Variants in MED16 observed in about 807,000 individuals in gnomAD.
MED16 encodes the protein mediator complex subunit 16.
In MED16, 81 loss-of-function variants were observed where a neutral mutation model predicts 84.4. The ratio of observed to expected loss-of-function variants is 0.96; its 90% CI spans 0.80 to 1.15. The LOEUF is 1.15. MED16 is among the 50% of genes most tolerant of loss of function. The probability of loss-of-function intolerance (pLI) is 0.00; values close to 1 mark genes in which losing one functional copy is unlikely to be tolerated. For synonymous variants in MED16, 897 were observed against 552.2 expected (o/e 1.62, Z -8.76); for missense variants, 1,585 against 1,245.9 (o/e 1.27, Z -4.10).
Position 877,277 on chromosome 19 carries a change from T to C in MED16, c.1354-97A>G, listed in dbSNP as rs1243502765. On this transcript the variant is annotated intron_variant, in intron 8 of 15. Coordinates refer to ENST00000325464, the MANE Select transcript of MED16 (RefSeq NM_005481.3). ...CCTGGGGCTGCGGCACGTGTGTGGATCTGTGTGCGCGCACGCCCGTGTGTG... is the reference window on the plus strand; with the variant it reads ...CCTGGGGCTGCGGCACGTGTGTGGACCTGTGTGCGCGCACGCCCGTGTGTG... The C allele has an allele frequency of 2.5e-6, 3 of 1,196,198 alleles. No individual in the cohort carries two copies. In the Admixed American group the frequency reaches 6.3e-5, roughly 25 times the overall value. The allele number at this position is 1,196,198 out of a possible 1,614,324, so 74.1% of individuals were successfully genotyped here.
At chr19:881,443 T>C in intron 7 of MED16, 116 bp downstream of exon 7, 1 of 1,251,022 alleles carries the variant, frequency 8.0e-7, no homozygotes, top group Non-Finnish European at 1.1e-6. Context: ...CCATGGCCTG[T>C]GCTCAGAGCC....
rs1355024225 is a variant in MED16, at chr19:868,212, G to A, written c.2523C>T (p.Ser841=). The A allele has an allele frequency of 1.7e-5, 27 of 1,602,458 alleles. No homozygotes were observed. The highest frequency in any genetic ancestry group is 2.1e-5 in the Non-Finnish European group (25 of 1,175,724). The change falls in exon 16 of 16, where the codon AGC becomes AGT. Residue 841 remains serine (S), a synonymous_variant. Transcript: ENST00000325464. The stretch of plus-strand genomic sequence containing the variant: ...AGGCAGGGGCTTCCTCAGAAGCTCT[G>A]CTGGTCACGCAGGCGTCCGGCCCAC... ...EGRGPDACVT[S]RASEEAPAFV... is the part of the protein sequence containing the mutation.
At chr19:888,235 G>A (rs989842969) in intron 4 of MED16, among the ~76,000 whole-genome samples, 1 of 150,100 alleles carries the variant, frequency 6.7e-6, no homozygotes, top group Non-Finnish European at 1.5e-5. Flanking sequence ...AAAAGATAAA[G>A]GTCTGGCCGG....
intron 12 of MED16, chr19:871,602 G>A (rs769102295): frequency 2.2e-5 from 35 of 1,595,840 alleles, no homozygotes; most frequent in Middle Eastern, 3.3e-4. Context: ...CAGCAAACAG[G>A]TGCCTGGAAG....
At chr19:881,785 A>G (rs927384411) in intron 6 of MED16, 71 bp from the exon 7 acceptor site, 7 of 1,549,742 alleles carry the variant, frequency 4.5e-6, no homozygotes, top group Middle Eastern at 1.8e-4. Flanking sequence ...GCAGGAGTCC[A>G]GCATGGCCTG....
At chr19:883,260 C>A (rs1159993440) in intron 6 of MED16, among the ~76,000 whole-genome samples, 1 of 88,972 alleles carries the variant, frequency 1.1e-5, no homozygotes, top group Non-Finnish European at 2.3e-5. Context: ...TGGGGCGGTG[C>A]GTGAAGAGCT....
chr19:875,099 G>A (rs1228443044), intron 10 of MED16, 145 bp downstream of exon 10: 4 of 511,842 alleles, frequency 7.8e-6, no homozygotes, highest in Non-Finnish European at 6.4e-6. Context: ...GAGAGGCGGA[G>A]GCTGCAGTGA....
At chr19:868,794 G>T in intron 14 of MED16, 69 bp downstream of exon 14, 1 of 1,476,574 alleles carries the variant, frequency 6.8e-7, no homozygotes, top group Non-Finnish European at 9.1e-7. Context: ...CGCTGGGTGG[G>T]GGCTAGAATC....
Position 877,038 on chromosome 19 carries a change from A to C in MED16, c.1496T>G (p.Met499Arg). 1 of 1,612,562 alleles carries C rather than the reference A, an allele frequency of 6.2e-7. No individual in the cohort carries two copies. ...CAGCTTCTCCACCAGGCTCTGTACC[A>C]TACTGGGCTGCACGTGCAGCAGGAT... ...WDILLHVQPS[M>R]VQSLVEKLHE... The change falls in exon 9 of 16, where the codon ATG becomes AGG. Residue 499 changes from methionine to arginine, a missense_variant. Transcript: ENST00000325464.
At chr19:874,848 T>A (rs760818693) in intron 10 of MED16, among the ~76,000 whole-genome samples, 2 of 151,720 alleles carry the variant, frequency 1.3e-5, no homozygotes, top group Admixed American at 6.6e-5. Context: ...GCAACCTGGA[T>A]GACACAGTGA....
chr19:876,944 C>T (rs1185218628), intron 9 of MED16, 30 bp downstream of exon 9: 2 of 1,583,526 alleles, frequency 1.3e-6, no homozygotes, highest in African/African-American at 1.3e-5. Flanking sequence ...CCCCACCTGC[C>T]ACGGGGCCCC....
intron 6 of MED16, among the ~76,000 whole-genome samples, chr19:882,818 A>G (rs2036447673): frequency 1.3e-5 from 2 of 152,196 alleles, no homozygotes; most frequent in Non-Finnish European, 2.9e-5. Flanking sequence ...CACCCGCATC[A>G]TGAGGTCTCT....
At chr19:876,319 G>A (rs1256544672) in intron 9 of MED16, among the ~76,000 whole-genome samples, 1 of 152,088 alleles carries the variant, frequency 6.6e-6, no homozygotes, top group Non-Finnish European at 1.5e-5. Context: ...TCTGGCACGT[G>A]GGCCTCCGTA....
At chr19:877,249 G>A (rs2036270734) in intron 8 of MED16, 69 bp from the exon 9 acceptor site, 3 of 1,478,682 alleles carry the variant, frequency 2.0e-6, no homozygotes, top group Admixed American at 2.0e-5. Flanking sequence ...AGAGGAATGG[G>A]GCCCTGGGGC....
At chr19:873,315 GACTCCA>G (rs2036141841) in intron 11 of MED16, 128 bp downstream of exon 11, 1 of 684,568 alleles carries the variant, frequency 1.5e-6, no homozygotes, top group African/African-American at 2.1e-5. Context: ...GTAGGGGCGG[GACTCCA>G]AGTAGGGGCG....
intron 1 of MED16, among the ~76,000 whole-genome samples, chr19:891,701 G>A (rs1468419804): frequency 7.8e-6 from 1 of 128,020 alleles, no homozygotes; most frequent in Non-Finnish European, 1.6e-5. Flanking sequence ...AGGCGGGGCT[G>A]AGTGTGACGG....
chr19:874,799 G>A (rs929905826), intron 10 of MED16, among the ~76,000 whole-genome samples: 2 of 150,084 alleles, frequency 1.3e-5, no homozygotes, highest in Non-Finnish European at 1.5e-5. Flanking sequence ...GAGCCCAGAA[G>A]GCAGAGGCTG....
At chr19:872,688 G>A (rs1006452739) in intron 11 of MED16, among the ~76,000 whole-genome samples, 4 of 151,796 alleles carry the variant, frequency 2.6e-5, no homozygotes, top group Admixed American at 1.3e-4. Context: ...CCTGGTCAGG[G>A]GCGCACAAGC....
At chr19:872,158 G>A (rs751254645) in intron 11 of MED16, 40 bp from the exon 12 acceptor site, 23 of 1,550,742 alleles carry the variant, frequency 1.5e-5, no homozygotes, top group Middle Eastern at 1.7e-4. Flanking sequence ...GGCGGCGGGG[G>A]GCAGATGGCG....
Sources: gnomAD v4.1 joint callset for allele counts (sites outside exome capture counted in the v4.1 genomes callset) on GRCh38, gnomAD v4.1.1 for gene constraint, MANE v1.5 for transcripts, NCBI Gene and HGNC (gene_info 2026-07-23, HGNC 2026-07-21) for gene names.